The following TET1 variants were observed in gnomAD, a reference collection of about 807,000 sequenced individuals.
The protein encoded by TET1 is tet methylcytosine dioxygenase 1.
TET1 carries 13 observed loss-of-function variants against 148.7 expected under a neutral mutation model. The ratio of observed to expected loss-of-function variants is 0.09; its 90% CI spans 0.06 to 0.14. TET1 has a LOEUF of 0.14. Among genes scored for constraint, TET1 ranks in the 10% least tolerant of loss-of-function variants. TET1 has a pLI of 1.00. For synonymous variants in TET1, 907 were observed against 937.2 expected, an observed-to-expected ratio of 0.97 and a Z score of 0.59; for missense variants, 2,182 against 2,553.8, an observed-to-expected ratio of 0.85 and a Z score of 3.14.
intron 3 of TET1, chr10:68,632,835 T>TAA (rs34118781): frequency 5.7e-3 from 2,467 of 434,088 alleles, no homozygotes; most frequent in South Asian, 0.014. Flanking sequence ...GTTTAAGTTG[T>TAA]AAAAAAAAAA....
rs145140130 is a variant in TET1, at chr10:68,645,858, T to C, written c.3129T>C (p.Asn1043=). The C allele has an allele frequency of 6.2e-7, 1 of 1,613,842 alleles. No individual in the cohort carries two copies. The highest frequency in any genetic ancestry group is 1.3e-5 in the African/African-American group (1 of 74,926). ...TGCATCAGTTGCCACCAAGAAATAA[T>C]GAAGTGGAGTATTGCAACCAGTTAC... The part of the protein sequence containing the change: ...NDLHQLPPRN[N]EVEYCNQLLD... The change falls in exon 4 of 12, where the codon AAT becomes AAC. Residue 1043 remains asparagine, a synonymous_variant. Transcript: ENST00000373644.
At chr10:68,682,291 T>C (rs1243435613) in intron 9 of TET1, among the ~76,000 whole-genome samples, 1 of 151,884 alleles carries the variant, frequency 6.6e-6, no homozygotes, top group Non-Finnish European at 1.5e-5. Flanking sequence ...TTTGTATTTT[T>C]AGTAGAGATG....
chr10:68,628,529 G>A (rs1287453572), intron 3 of TET1, among the ~76,000 whole-genome samples: 1 of 152,196 alleles, frequency 6.6e-6, no homozygotes, highest in Non-Finnish European at 1.5e-5. Flanking sequence ...TCCAGGAAGG[G>A]ATAGCATTGC....
intron 3 of TET1, chr10:68,632,239 G>A: frequency 1.4e-6 from 1 of 721,110 alleles, no homozygotes; most frequent in South Asian, 1.9e-5. Context: ...GGAGAATGGC[G>A]TGAACCCGGG....
At position 68,646,996 on chromosome 10, in the gene TET1, A is replaced by C. The variant is rs762892542; in HGVS notation, c.4267A>C (p.Ser1423Arg). 6.2e-7 allele frequency: 1 copy of C among 1,611,520 alleles called. No homozygotes were observed. The highest frequency in any genetic ancestry group is 2.2e-5 in the East Asian group (1 of 44,870). Residue 1423 changes from serine to arginine, a missense_variant, in exon 4 of 12, where the codon AGC becomes CGC. Ser to Arg is a moderately radical substitution (Grantham distance 110, BLOSUM62 -1). Transcript: ENST00000373644. ...TAAAGATTCTGAACTGCCCACCTGCAGCTGTCTTGGTGAGTACTTGTGTGC... is the reference window on the plus strand; with the variant it reads ...TAAAGATTCTGAACTGCCCACCTGCCGCTGTCTTGGTGAGTACTTGTGTGC... ...ITKDSELPTC[S>R]CLDRVIQKDK...
At chr10:68,618,539 G>A (rs1286363179) in intron 3 of TET1, among the ~76,000 whole-genome samples, 1 of 152,104 alleles carries the variant, frequency 6.6e-6, no homozygotes, top group Non-Finnish European at 1.5e-5. Flanking sequence ...CAATTAATCA[G>A]TGACAACCTA....
At chr10:68,610,817 G>A (rs1431507774) in intron 3 of TET1, among the ~76,000 whole-genome samples, 2 of 151,818 alleles carry the variant, frequency 1.3e-5, no homozygotes, top group Non-Finnish European at 2.9e-5. Context: ...CACCAATCCC[G>A]CCTAATTTTT....
At chr10:68,672,402 C>T (rs1001967843) in intron 7 of TET1, among the ~76,000 whole-genome samples, 1 of 127,862 alleles carries the variant, frequency 7.8e-6, no homozygotes, top group African/African-American at 3.0e-5. Flanking sequence ...GCAGCAGAAT[C>T]GATTGAACTT....
At chr10:68,601,508 A>G (rs1296901865) in intron 3 of TET1, among the ~76,000 whole-genome samples, 6 of 152,126 alleles carry the variant, frequency 3.9e-5, no homozygotes, top group African/African-American at 1.2e-4. Context: ...TCTTACAGCC[A>G]AATTATAGTT....
At chr10:68,666,656 C>T (rs2055199455) in intron 6 of TET1, among the ~76,000 whole-genome samples, 1 of 152,202 alleles carries the variant, frequency 6.6e-6, no homozygotes, top group Non-Finnish European at 1.5e-5. Context: ...CCACGTGTCA[C>T]AGATTTTTGT....
rs146602670 is a variant in TET1, at chr10:68,668,728, C to T, written c.4673+1472C>T. Among the ~76,000 whole-genome samples the T allele has an allele frequency of 1.2e-3, 176 of 152,206 alleles. 1 individual carries two copies. Among genetic ancestry groups the T allele is most frequent in the African/African-American group, 3.9e-3 (163 of 41,542 alleles). On this transcript the variant is annotated intron_variant, in intron 7 of 11. Coordinates refer to ENST00000373644, the MANE Select transcript of TET1 (RefSeq NM_030625.3). ...CTGAGTAGCTGGGACTACAGGCATG[C>T]GCTTTGGGAGGCCGACAAGGGAGGA...
intron 2 of TET1, among the ~76,000 whole-genome samples, chr10:68,575,340 C>T (rs1039838753): frequency 2.6e-5 from 4 of 151,678 alleles, no homozygotes; most frequent in African/African-American, 7.3e-5. Flanking sequence ...GCCAAGATTG[C>T]GCCATTGCAT....
intron 7 of TET1, among the ~76,000 whole-genome samples, chr10:68,672,098 C>T (rs1356174400): frequency 5.3e-5 from 8 of 151,988 alleles, no homozygotes; most frequent in East Asian, 3.9e-4. Context: ...AAATTATATC[C>T]GTCTCATTTT....
At chr10:68,651,310 C>T (rs758571531) in intron 4 of TET1, among the ~76,000 whole-genome samples, 2 of 151,930 alleles carry the variant, frequency 1.3e-5, no homozygotes, top group East Asian at 1.9e-4. Context: ...AAAAATTAGC[C>T]GGGCGTGGTG....
intron 1 of TET1, among the ~76,000 whole-genome samples, chr10:68,561,744 C>T (rs1353264826): frequency 7.7e-6 from 1 of 129,944 alleles, no homozygotes; most frequent in African/African-American, 2.9e-5. Context: ...GCCCCAGGCT[C>T]TTGAATATAT....
chr10:68,626,100 A>G lies in TET1; in HGVS notation c.1969-18598A>G, dbSNP rs1362712380. ...ACGAGACCCTATCTCAAAAAAAAGA[A>G]AAAAAAAAAGAAAAGAAAAAGAAAA... On this transcript the variant is annotated intron_variant, in intron 3 of 11. Transcript: ENST00000373644. 1.4e-4 allele frequency among the ~76,000 whole-genome samples: 4 copies of G among 28,104 alleles called. 1 individual carries two copies. Among genetic ancestry groups the G allele is most frequent in the East Asian group, 1.2e-3 (1 of 834 alleles). The allele number at this position is 28,104 out of a possible 152,430, so 18.4% of individuals were successfully genotyped here.
In TET1 at chr10:68,692,983, C is replaced by G. The variant is rs1200910902; in HGVS notation, c.*1169C>G. The stretch of plus-strand genomic sequence containing the variant: ...TTGAAATATTTTGAAAACAAATTCC[C>G]TACTATCATCACATGCCTCCCCAAC... On this transcript the variant is annotated 3_prime_UTR_variant, in exon 12 of 12. Coordinates refer to ENST00000373644, the MANE Select transcript of TET1 (RefSeq NM_030625.3). 8.7e-6 allele frequency: 2 copies of G among 230,458 alleles called. No homozygotes were observed. Among genetic ancestry groups the G allele is most frequent in the Non-Finnish European group, 1.7e-5 (2 of 116,982 alleles). 14.3% of individuals were successfully genotyped at this position (230,458 alleles called of 1,614,324 possible).
rs564821332 is a variant in TET1 at position 68,664,616 on chromosome 10, G to A, written c.4462-2429G>A. 8.9e-5 allele frequency among the ~76,000 whole-genome samples: 13 copies of A among 146,046 alleles called. No homozygotes were observed. In the East Asian group the frequency reaches 2.2e-3, roughly 25 times the overall value. On this transcript the variant is annotated intron_variant, in intron 6 of 11. Transcript: ENST00000373644. Reference sequence around the variant, plus strand: ...TTGCCCAAGCTGGTCTCAAATTCCCGACCTCAAGTGATCTAACCACCTCCC... The same window carrying A: ...TTGCCCAAGCTGGTCTCAAATTCCCAACCTCAAGTGATCTAACCACCTCCC...
chr10:68,666,901 T>C, intron 6 of TET1, 144 bp from the exon 7 acceptor site: 1 of 743,424 alleles, frequency 1.3e-6, no homozygotes, highest in East Asian at 2.7e-5. Flanking sequence ...CTTGGTAACA[T>C]AGTTAGACCC....
Sources: gnomAD v4.1 joint callset for allele counts (sites outside exome capture counted in the v4.1 genomes callset) on GRCh38, gnomAD v4.1.1 for gene constraint, MANE v1.5 for transcripts, NCBI Gene and HGNC (gene_info 2026-07-23, HGNC 2026-07-21) for gene names.